Variants in APBA1 observed in about 807,000 individuals in gnomAD.
The protein encoded by APBA1 is amyloid beta precursor protein binding family A member 1.
APBA1 carries 55 observed loss-of-function variants against 86.6 expected under a neutral mutation model. The observed-to-expected ratio is 0.64, with a 90% CI of 0.51 to 0.80. APBA1 has a LOEUF of 0.80. APBA1 is among the 30% of genes least tolerant of loss of function. The probability of loss-of-function intolerance (pLI) is 0.00; values close to 1 mark genes in which losing one functional copy is unlikely to be tolerated. For synonymous variants in APBA1, 511 were observed against 493.9 expected, an observed-to-expected ratio of 1.03 and a Z score of -0.46; for missense variants, 1,090 against 1,183.0, an observed-to-expected ratio of 0.92 and a Z score of 1.15.
At chr9:69,551,388 C>T (rs1311456385) in intron 1 of APBA1, among the ~76,000 whole-genome samples, 1 of 152,000 alleles carries the variant, frequency 6.6e-6, no homozygotes, top group Non-Finnish European at 1.5e-5. Context: ...CCTGTCTCTA[C>T]TAAAGATACA....
chr9:69,601,236 G>A (rs1182984861), intron 1 of APBA1, among the ~76,000 whole-genome samples: 2 of 152,024 alleles, frequency 1.3e-5, no homozygotes, highest in Non-Finnish European at 2.9e-5. Flanking sequence ...TTGATCAGGA[G>A]GTCAGTTTTT....
At chr9:69,642,250 A>C (rs1166480480) in intron 1 of APBA1, among the ~76,000 whole-genome samples, 1 of 152,254 alleles carries the variant, frequency 6.6e-6, no homozygotes, top group East Asian at 1.9e-4. Context: ...GAATACATAA[A>C]CAACCCTTAC....
At chr9:69,532,651 T>C (rs914877811) in intron 1 of APBA1, among the ~76,000 whole-genome samples, 3 of 152,174 alleles carry the variant, frequency 2.0e-5, no homozygotes, top group Non-Finnish European at 4.4e-5. Context: ...AGTGTGTGCT[T>C]TGGTGAGTTG....
In APBA1 at chr9:69,431,183, G is replaced by C. The variant is rs1834586278; in HGVS notation, c.*144C>G. ...AAAAGCAAATCGGAGAGAGTAAAGA[G>C]GTCCTTGTGGATTCTTCTCTTCCTG... On this transcript the variant is annotated 3_prime_UTR_variant, in exon 13 of 13. Coordinates refer to ENST00000265381, the MANE Select transcript of APBA1 (RefSeq NM_001163.4). 3.5e-6 allele frequency: 2 copies of C among 574,206 alleles called. No homozygotes were observed. The highest frequency in any genetic ancestry group is 3.1e-5 in the Admixed American group (1 of 32,462). 35.6% of individuals were successfully genotyped at this position (574,206 alleles called of 1,614,324 possible). A position where few individuals can be genotyped will look rare whatever the true frequency, so the allele number is the denominator to read the frequency against.
chr9:69,521,924 ATTTCAAG>A (rs1157075650), intron 1 of APBA1, among the ~76,000 whole-genome samples: 1 of 151,914 alleles, frequency 6.6e-6, no homozygotes, highest in Non-Finnish European at 1.5e-5. Context: ...TGTGGATTTT[ATTTCAAG>A]TGTGGTGGCA....
Position 69,510,754 on chromosome 9 carries a change from C to CA in APBA1, c.1200+5256dup, listed in dbSNP as rs1396399325. On this transcript the variant is annotated intron_variant, in intron 2 of 12. Transcript: ENST00000265381. ...GATCAATGGAACAGAACAGAGCCCT[C>CA]AGAAATAACGCCGCATATCTACAAC... is the stretch of plus-strand genomic sequence containing the variant. Among the ~76,000 whole-genome samples the CA allele has an allele frequency of 3.0e-3, 436 of 145,170 alleles. 13 individuals are homozygous for CA. Among genetic ancestry groups the CA allele is most frequent in the African/African-American group, 0.011 (418 of 37,296 alleles).
At chr9:69,455,912 T>A (rs189678576) in intron 8 of APBA1, among the ~76,000 whole-genome samples, 22 of 152,284 alleles carry the variant, frequency 1.4e-4, no homozygotes, top group African/African-American at 5.3e-4. Flanking sequence ...TGCTCCAAGG[T>A]CACCTCCTCA....
intron 1 of APBA1, among the ~76,000 whole-genome samples, chr9:69,584,406 A>T (rs1047285817): frequency 6.6e-6 from 1 of 152,188 alleles, no homozygotes; most frequent in Admixed American, 6.5e-5. Context: ...TCCTCTATTC[A>T]CTCAATAAAT....
intron 1 of APBA1, among the ~76,000 whole-genome samples, chr9:69,580,500 T>C (rs934434529): frequency 6.6e-6 from 1 of 152,138 alleles, no homozygotes; most frequent in Admixed American, 6.6e-5. Context: ...CCAATGGTCA[T>C]GACCAACCCT....
intron 1 of APBA1, among the ~76,000 whole-genome samples, chr9:69,665,008 G>A (rs1823819227): frequency 6.6e-6 from 1 of 152,220 alleles, no homozygotes; most frequent in Non-Finnish European, 1.5e-5. Flanking sequence ...TGTATCGACA[G>A]TCTCCAAATA....
intron 2 of APBA1, among the ~76,000 whole-genome samples, chr9:69,505,495 T>C (rs1226291782): frequency 6.6e-6 from 1 of 152,154 alleles, no homozygotes; most frequent in Non-Finnish European, 1.5e-5. Context: ...TGTGCTCATC[T>C]GTTGCTGTTT....
chr9:69,470,998 T>C (rs969556421), intron 4 of APBA1, among the ~76,000 whole-genome samples: 2 of 152,154 alleles, frequency 1.3e-5, no homozygotes, highest in Non-Finnish European at 2.9e-5. Context: ...GAGAGAAGTA[T>C]GGTGCCAGCC....
chr9:69,457,208 G>C, intron 6 of APBA1, 69 bp from the exon 7 acceptor site: 1 of 1,232,356 alleles, frequency 8.1e-7, no homozygotes, highest in Non-Finnish European at 1.2e-6. Context: ...GAAGGAGTAA[G>C]GTTAGCTCAC....
At chr9:69,450,210 C>T (rs955818722) in intron 9 of APBA1, among the ~76,000 whole-genome samples, 3 of 151,998 alleles carry the variant, frequency 2.0e-5, no homozygotes, top group Admixed American at 6.5e-5. Flanking sequence ...TTCCCCAATT[C>T]GCTCCGACAT....
At chr9:69,534,941 A>G (rs373359054) in intron 1 of APBA1, among the ~76,000 whole-genome samples, 24 of 152,210 alleles carry the variant, frequency 1.6e-4, no homozygotes, top group South Asian at 8.3e-4. Context: ...GTAATTTTAA[A>G]TACTATTTTT....
chr9:69,525,396 C>T (rs893489980), intron 1 of APBA1, among the ~76,000 whole-genome samples: 1 of 152,036 alleles, frequency 6.6e-6, no homozygotes, highest in African/African-American at 2.4e-5. Context: ...CAGGACATGA[C>T]ATCAATCTAC....
intron 2 of APBA1, among the ~76,000 whole-genome samples, chr9:69,482,522 G>T (rs568430338): frequency 1.3e-5 from 2 of 151,094 alleles, no homozygotes; most frequent in East Asian, 3.9e-4. Context: ...TACACTGTTG[G>T]TGGGACTGTA....
chr9:69,441,207 A>G (rs1834816956), intron 10 of APBA1, 92 bp from the exon 11 acceptor site: 7 of 1,470,010 alleles, frequency 4.8e-6, no homozygotes, highest in East Asian at 4.6e-5. Flanking sequence ...AAGAAGCTGC[A>G]CTGAGTCTTC....
chr9:69,475,605 A>G (rs1835431447), intron 3 of APBA1, among the ~76,000 whole-genome samples: 1 of 152,214 alleles, frequency 6.6e-6, no homozygotes. Flanking sequence ...GCCTGAAATA[A>G]AGGGTATTTA....
Sources: gnomAD v4.1 joint callset for allele counts (sites outside exome capture counted in the v4.1 genomes callset) on GRCh38, gnomAD v4.1.1 for gene constraint, MANE v1.5 for transcripts, NCBI Gene and HGNC (gene_info 2026-07-23, HGNC 2026-07-21) for gene names.